Variants in ETS2 observed in about 807,000 individuals in gnomAD.
The protein encoded by ETS2 is ETS proto-oncogene 2, transcription factor, also known as protein C-ets-2.
Under a neutral mutation model 54.9 loss-of-function variants are expected in ETS2, and 19 were observed. That is an observed-to-expected ratio of 0.35 (90% CI 0.24 to 0.51). The LOEUF (loss-of-function observed/expected upper bound fraction) is 0.51, where lower values mean the gene tolerates loss of function less well. Among genes scored for constraint, ETS2 ranks in the 20% least tolerant of loss-of-function variants. The pLI is 0.97. For synonymous variants in ETS2, 219 were observed against 229.3 expected (o/e 0.95, Z 0.41); for missense variants, 417 against 593.0 (o/e 0.70, Z 3.08).
At chr21:38,818,744 A>G (rs2060945366) in intron 7 of ETS2, 98 bp downstream of exon 7, 2 of 1,387,056 alleles carry the variant, frequency 1.4e-6, no homozygotes, top group Non-Finnish European at 1.0e-6. Flanking sequence ...GGATTCAGCC[A>G]TTAGAGAAGG....
intron 1 of ETS2, chr21:38,809,587 C>T (rs1404559860): frequency 1.3e-5 from 2 of 157,502 alleles, no homozygotes; most frequent in African/African-American, 4.8e-5. Flanking sequence ...CTGCAGCTGT[C>T]CTGAAGCTCT....
chr21:38,821,375 G>C lies in ETS2; in HGVS notation c.1076-211G>C, dbSNP rs2060957321. Among the ~76,000 whole-genome samples the C allele has an allele frequency of 6.6e-6, 1 of 152,148 alleles. No individual in the cohort carries two copies. The highest frequency in any genetic ancestry group is 6.5e-5 in the Admixed American group (1 of 15,280). Reference sequence around the variant, plus strand: ...TTCTAGGAGTAGGCAGTGTGGAGCAGGAACTCACATTTGGTGCCCCGCCCC... The same window carrying C: ...TTCTAGGAGTAGGCAGTGTGGAGCACGAACTCACATTTGGTGCCCCGCCCC... On this transcript the variant is annotated intron_variant, in intron 8 of 9. Transcript: ENST00000360938. This position sits in a 1 kb window ranked among gnomAD's most constrained non-coding sequence, Gnocchi z 4.2.
At chr21:38,807,064 A>C (rs1433314821) in intron 1 of ETS2, among the ~76,000 whole-genome samples, 1 of 152,188 alleles carries the variant, frequency 6.6e-6, no homozygotes, top group Non-Finnish European at 1.5e-5. Context: ...CTGCCTGCCC[A>C]CACCACCACC....
chr21:38,818,797 C>T, intron 7 of ETS2, 151 bp downstream of exon 7: 1 of 902,528 alleles, frequency 1.1e-6, no homozygotes, highest in Non-Finnish European at 1.7e-6. Flanking sequence ...ACAAGCATAC[C>T]CCTAATATGT....
At position 38,806,632 on chromosome 21, in the gene ETS2, C is replaced by A. The variant is rs944364216; in HGVS notation, c.-1+512C>A. On this transcript the variant is annotated intron_variant, in intron 1 of 9. Coordinates refer to ENST00000360938, the MANE Select transcript of ETS2 (RefSeq NM_005239.6). This position sits in a 1 kb window ranked among gnomAD's most constrained non-coding sequence, Gnocchi z 4.3. ...GGGCGCCCAAGACACCTGAAGGCTG[C>A]GGCACCGCGGGAACCTGCGGGGCGC... is the stretch of plus-strand genomic sequence containing the variant. 1.0e-6 allele frequency: 1 copy of A among 985,062 alleles called. No homozygotes were observed. The highest frequency in any genetic ancestry group is 1.2e-6 in the Non-Finnish European group (1 of 829,892). 61.0% of individuals were successfully genotyped at this position (985,062 alleles called of 1,614,324 possible). A position where few individuals can be genotyped will look rare whatever the true frequency, so the allele number is the denominator to read the frequency against.
At chr21:38,805,291 G>A, upstream of ETS2, 1 of 1,208,722 alleles carries the variant, frequency 8.3e-7, no homozygotes. This position sits in a 1 kb window ranked among gnomAD's most constrained non-coding sequence, Gnocchi z 5.2. Context: ...CGCCTCATTT[G>A]GAGCCTTTTT....
rs115426813 is a variant in ETS2 at position 38,819,540 on chromosome 21, G to C, written c.849G>C (p.Ala283=). ...ACCACGACTCCCCTGAGAACGGTGC[G>C]GACAGCTTCGAGAGCTCAGACTCCC... ...PKDHDSPENG[A]DSFESSDSLL... The change falls in exon 8 of 10, where the codon GCG becomes GCC. Residue 283 remains alanine, a synonymous_variant. Transcript: ENST00000360938. 1 of 1,614,116 alleles carries C rather than the reference G, an allele frequency of 6.2e-7. No individual in the cohort carries two copies.
In ETS2 at chr21:38,821,515, G is replaced by A. The variant is rs1234415144; in HGVS notation, c.1076-71G>A. 9.2e-7 allele frequency: 1 copy of A among 1,085,630 alleles called. No homozygotes were observed. Among genetic ancestry groups the A allele is most frequent in the Admixed American group, 1.7e-5 (1 of 58,124 alleles). 67.2% of individuals were successfully genotyped at this position (1,085,630 alleles called of 1,614,324 possible). On this transcript the variant is annotated intron_variant, in intron 8 of 9. Coordinates refer to ENST00000360938, the MANE Select transcript of ETS2 (RefSeq NM_005239.6). This position sits in a 1 kb window ranked among gnomAD's most constrained non-coding sequence, Gnocchi z 4.2. ...ATTCCTAAATCAGCATGTACAATTA[G>A]GATGGTTAAAGACTTGCTGTATTTT...
In ETS2 at chr21:38,817,065, C is replaced by T; in HGVS notation, c.563C>T (p.Pro188Leu). 5 of 1,611,418 alleles carry T rather than the reference C, an allele frequency of 3.1e-6. No homozygotes were observed. The highest frequency in any genetic ancestry group is 4.2e-6 in the Non-Finnish European group (5 of 1,177,632). Residue 188 changes from proline to leucine, a missense_variant, in exon 6 of 10, where the codon CCT (proline) becomes CTT (leucine). This residue lies in a region of ETS2 where 326 missense variants were observed against 426.1 expected (regional missense o/e 0.76). Transcript: ENST00000360938. ...GAAAATTCACACCTCACCTCCGTTC[C>T]TCATTGGATTAACAGCAATACATTA... ...YEENSHLTSV[P>L]HWINSNTLGF...
In ETS2 at chr21:38,814,255, TG is replaced by T. The variant is rs372831939; in HGVS notation, c.185-12del. Reference sequence around the variant, plus strand: ...CCAACTTGAAGTCCTAATGTCCCCATGGGGGGTTTCCTTCCAGACTCCGCCA... The same window carrying T: ...CCAACTTGAAGTCCTAATGTCCCCATGGGGGTTTCCTTCCAGACTCCGCCA... On this transcript the variant is annotated splice_polypyrimidine_tract_variant and intron_variant, in intron 3 of 9. Transcript: ENST00000360938. The surrounding 1 kb of genome is among the most constrained non-coding windows in gnomAD (Gnocchi z 4.2). The T allele has an allele frequency of 4.3e-6, 7 of 1,613,472 alleles. No individual in the cohort carries two copies. The highest frequency in any genetic ancestry group is 5.9e-6 in the Non-Finnish European group (7 of 1,179,592).
Position 38,822,900 on chromosome 21 carries a change from A to C in ETS2, c.*11A>C. 1 of 1,555,676 alleles carries C rather than the reference A, an allele frequency of 6.4e-7. No individual in the cohort carries two copies. Among genetic ancestry groups the C allele is most frequent in the Non-Finnish European group, 8.7e-7 (1 of 1,148,452 alleles). ...GACACGGAGGACTGAGGTCGCCGGG[A>C]CCACCCTGAGCCGGCCCCAGGCTCG... is the stretch of plus-strand genomic sequence containing the variant. On this transcript the variant is annotated 3_prime_UTR_variant, in exon 10 of 10. Coordinates refer to ENST00000360938, the MANE Select transcript of ETS2 (RefSeq NM_005239.6).
In ETS2 at chr21:38,821,690, G is replaced by A. The variant is rs754652236; in HGVS notation, c.1180G>A (p.Ala394Thr). 7.4e-6 allele frequency: 12 copies of A among 1,612,030 alleles called. No individual in the cohort carries two copies. Among genetic ancestry groups the A allele is most frequent in the East Asian group, 2.2e-5 (1 of 44,882 alleles). Residue 394 changes from alanine (A) to threonine (T), a missense_variant, in exon 9 of 10, where the codon GCC becomes ACC. Ala to Thr is a moderately conservative substitution (Grantham distance 58). This residue lies in a region of ETS2 where 60 missense variants were observed against 134.1 expected (regional missense o/e 0.45). Transcript: ENST00000360938. The surrounding 1 kb of genome is among the most constrained non-coding windows in gnomAD (Gnocchi z 4.2). ...WTGDGWEFKL[A>T]DPDEVARRWG... ...TGGAGACGGATGGGAGTTTAAGCTC[G>A]CCGACCCCGATGAGGTATGGCCAGA...
chr21:38,810,153 C>A, intron 2 of ETS2, 47 bp downstream of exon 2: 2 of 1,185,936 alleles, frequency 1.7e-6, no homozygotes, highest in Non-Finnish European at 2.3e-6. Flanking sequence ...AAAACTCGAT[C>A]TCTAGGAGGA....
At chr21:38,818,365 G>A (rs1224238331) in intron 6 of ETS2, 60 bp from the exon 7 acceptor site, 5 of 1,609,974 alleles carry the variant, frequency 3.1e-6, no homozygotes, top group Non-Finnish European at 4.2e-6. Flanking sequence ...TGCTCGTAGG[G>A]GTTAGTTACT....
chr21:38,806,009 C>A lies in ETS2; in HGVS notation c.-112C>A. On this transcript the variant is annotated 5_prime_UTR_variant, in exon 1 of 10. Coordinates refer to ENST00000360938, the MANE Select transcript of ETS2 (RefSeq NM_005239.6). The surrounding 1 kb of genome is among the most constrained non-coding windows in gnomAD (Gnocchi z 4.3). ...GAGCCGCCCGGCCAGCGTCCGGCCT[C>A]CCTGATCGTCTCTGGCCGGCGCCCT... The A allele has an allele frequency of 7.9e-7, 1 of 1,262,096 alleles. No homozygotes were observed. The highest frequency in any genetic ancestry group is 1.6e-5 in the African/African-American group (1 of 62,466). The allele number at this position is 1,262,096 out of a possible 1,614,324, so 78.2% of individuals were successfully genotyped here.
rs1418382627 is a variant in ETS2, at chr21:38,814,004, C to T, written c.185-269C>T. ...TTTTAAAATAGACTTAGCAGTTTTC[C>T]CTACGCACAACTGCTTTGTGACGCT... On this transcript the variant is annotated intron_variant, in intron 3 of 9. Coordinates refer to ENST00000360938, the MANE Select transcript of ETS2 (RefSeq NM_005239.6). The surrounding 1 kb of genome is among the most constrained non-coding windows in gnomAD (Gnocchi z 4.2). Among the ~76,000 whole-genome samples, 4 of 152,174 alleles carry T rather than the reference C, an allele frequency of 2.6e-5. No homozygotes were observed. The highest frequency in any genetic ancestry group is 5.9e-5 in the Non-Finnish European group (4 of 68,040).
Position 38,821,834 on chromosome 21 carries a change from C to A in ETS2, c.1194+130C>A. 2.9e-6 allele frequency: 2 copies of A among 692,126 alleles called. No individual in the cohort carries two copies. Among genetic ancestry groups the A allele is most frequent in the South Asian group, 1.7e-5 (1 of 59,078 alleles). 42.9% of individuals were successfully genotyped at this position (692,126 alleles called of 1,614,324 possible). ...TGAGAATCTTTCCACGTGAGGCATC[C>A]TTGGCTGTTGGGAAAATGGAAGTGG... On this transcript the variant is annotated intron_variant, in intron 9 of 9. Coordinates refer to ENST00000360938, the MANE Select transcript of ETS2 (RefSeq NM_005239.6). This position sits in a 1 kb window ranked among gnomAD's most constrained non-coding sequence, Gnocchi z 4.2.
At chr21:38,815,542 C>T (rs753086317) in intron 5 of ETS2, among the ~76,000 whole-genome samples, 27 of 152,014 alleles carry the variant, frequency 1.8e-4, no homozygotes, top group Non-Finnish European at 3.5e-4. Context: ...CAGAAACTGG[C>T]CATTGATCAG....
chr21:38,815,672 T>C (rs1387651133), intron 5 of ETS2, among the ~76,000 whole-genome samples: 3 of 151,732 alleles, frequency 2.0e-5, no homozygotes, highest in Non-Finnish European at 4.4e-5. Context: ...GGCTCACACC[T>C]GTAATCCCAG....
Sources: allele counts gnomAD v4.1 joint callset (sites outside exome capture counted in the v4.1 genomes callset), GRCh38; gene constraint gnomAD v4.1.1; regional missense constraint gnomAD v4.1.1; non-coding constraint Gnocchi (gnomAD v3.1); transcripts MANE v1.5; gene names NCBI Gene and HGNC (gene_info 2026-07-23, HGNC 2026-07-21).